The following PTPRD variants were observed in gnomAD, a reference collection of about 807,000 sequenced individuals.
PTPRD encodes the protein receptor-type tyrosine-protein phosphatase delta.
Under a neutral mutation model 214.5 loss-of-function variants are expected in PTPRD, and 34 were observed. The ratio of observed to expected loss-of-function variants is 0.16; its 90% CI spans 0.12 to 0.21. The LOEUF is 0.21. PTPRD is among the 10% of genes least tolerant of loss of function. The pLI is 1.00. For missense variants in PTPRD, 2,545 were observed against 2,398.7 expected, an observed-to-expected ratio of 1.06 and a Z score of -1.27; for synonymous variants, 1,128 against 845.7, an observed-to-expected ratio of 1.33 and a Z score of -5.79.
At chr9:8,440,120 T>C (rs2095498565) in intron 34 of PTPRD, among the ~76,000 whole-genome samples, 1 of 151,706 alleles carries the variant, frequency 6.6e-6, no homozygotes, top group Non-Finnish European at 1.5e-5. Flanking sequence ...CATTTAGAAA[T>C]CATATCAGGA....
chr9:9,904,359 T>C (rs1462564922), intron 5 of PTPRD, among the ~76,000 whole-genome samples: 1 of 152,054 alleles, frequency 6.6e-6, no homozygotes, highest in Non-Finnish European at 1.5e-5. Context: ...AAAAAAACGC[T>C]TGTGATTAGA....
intron 6 of PTPRD, among the ~76,000 whole-genome samples, chr9:9,758,184 C>CTTTTTT (rs34736489): frequency 6.9e-6 from 1 of 144,134 alleles, no homozygotes. Flanking sequence ...CCTTAGCAGA[C>CTTTTTT]TTTTTTTTTT....
intron 9 of PTPRD, among the ~76,000 whole-genome samples, chr9:9,244,101 G>A (rs370688608): frequency 1.3e-5 from 2 of 152,194 alleles, no homozygotes; most frequent in South Asian, 2.1e-4. Context: ...ACCTCTCCAA[G>A]GAGAACTACA....
Position 9,426,269 on chromosome 9 carries a change from C to A in PTPRD, c.-236-28787G>T, listed in dbSNP as rs540429948. 1.5e-3 allele frequency among the ~76,000 whole-genome samples: 234 copies of A among 152,328 alleles called. 1 individual carries two copies. Among genetic ancestry groups the A allele is most frequent in the African/African-American group, 5.1e-3 (210 of 41,574 alleles). On this transcript the variant is annotated intron_variant, in intron 8 of 45. Transcript: ENST00000381196. ...CACACCAGGAGATTATATTCTGCACCTGGCTCAGAGGGTCCCACGCCCATG... is the reference window on the plus strand; with the variant it reads ...CACACCAGGAGATTATATTCTGCACATGGCTCAGAGGGTCCCACGCCCATG...
chr9:10,344,708 G>A (rs1300887343), intron 2 of PTPRD, among the ~76,000 whole-genome samples: 1 of 151,980 alleles, frequency 6.6e-6, no homozygotes, highest in Admixed American at 6.6e-5. Context: ...TTATTTCATT[G>A]AGCAGTGGTT....
chr9:9,420,249 C>A (rs1325653058), intron 8 of PTPRD, among the ~76,000 whole-genome samples: 3 of 151,758 alleles, frequency 2.0e-5, no homozygotes, highest in African/African-American at 7.2e-5. Context: ...TGTAGTGGAT[C>A]TGAAGTGTAA....
intron 7 of PTPRD, among the ~76,000 whole-genome samples, chr9:9,678,985 G>C (rs2096998972): frequency 6.6e-6 from 1 of 151,590 alleles, no homozygotes; most frequent in Non-Finnish European, 1.5e-5. Context: ...AATGAATTTT[G>C]GTACATCAGA....
intron 10 of PTPRD, chr9:9,090,767 C>T (rs1448221688): frequency 1.6e-6 from 1 of 639,450 alleles, no homozygotes; most frequent in Non-Finnish European, 2.8e-6. Context: ...TTTCAAGTTG[C>T]ATCCTCTTTA....
chr9:10,184,239 A>T (rs1004240821), intron 3 of PTPRD, among the ~76,000 whole-genome samples: 1 of 152,102 alleles, frequency 6.6e-6, no homozygotes, highest in Non-Finnish European at 1.5e-5. Flanking sequence ...AGCCTGGCCA[A>T]CATGGCGAAA....
intron 9 of PTPRD, among the ~76,000 whole-genome samples, chr9:9,376,872 CTT>C (rs1211708098): frequency 1.3e-5 from 2 of 151,988 alleles, no homozygotes; most frequent in African/African-American, 2.4e-5. Flanking sequence ...TATTCAGTAA[CTT>C]TCTCAGTAAT....
At chr9:9,014,954 G>A (rs987059011) in intron 11 of PTPRD, among the ~76,000 whole-genome samples, 1 of 152,068 alleles carries the variant, frequency 6.6e-6, no homozygotes, top group South Asian at 2.1e-4. Flanking sequence ...TTATAAGTGT[G>A]TGTGTAGGTA....
At chr9:9,775,976 A>AAAAAAAAAAC in intron 5 of PTPRD, among the ~76,000 whole-genome samples, 1 of 151,210 alleles carries the variant, frequency 6.6e-6, no homozygotes, top group Non-Finnish European at 1.5e-5. Context: ...AAAAAAAAAA[A>AAAAAAAAAAC]AAAGCAAATC....
At position 8,663,383 on chromosome 9, in the gene PTPRD, A is replaced by C. The variant is rs182187146; in HGVS notation, c.65-26539T>G. Among the ~76,000 whole-genome samples the C allele has an allele frequency of 2.7e-3, 404 of 152,024 alleles. 2 individuals are homozygous for C. Among genetic ancestry groups the C allele is most frequent in the African/African-American group, 9.5e-3 (394 of 41,460 alleles). On this transcript the variant is annotated intron_variant, in intron 12 of 45. Coordinates refer to ENST00000381196, the MANE Select transcript of PTPRD (RefSeq NM_002839.4). ...TTTTGGTTAACTTTTTATTTACCAA[A>C]CTAAAAAAAAAAATATCACTGTCAC...
intron 14 of PTPRD, among the ~76,000 whole-genome samples, chr9:8,580,710 T>A (rs74681130): frequency 2.0e-5 from 3 of 152,184 alleles, no homozygotes; most frequent in Admixed American, 1.3e-4. Context: ...GGACCATTTG[T>A]AAGTACAACA....
chr9:9,484,965 G>T (rs982225240), intron 8 of PTPRD, among the ~76,000 whole-genome samples: 3 of 152,048 alleles, frequency 2.0e-5, no homozygotes, highest in Admixed American at 1.3e-4. Flanking sequence ...TGGGTTTCTG[G>T]GATTTAAATA....
At chr9:9,149,451 G>C (rs2099874251) in intron 10 of PTPRD, among the ~76,000 whole-genome samples, 1 of 152,132 alleles carries the variant, frequency 6.6e-6, no homozygotes, top group African/African-American at 2.4e-5. Flanking sequence ...TTATTCACTA[G>C]ACTTGCCTTC....
intron 5 of PTPRD, among the ~76,000 whole-genome samples, chr9:9,883,425 G>T (rs76998637): frequency 0.015 from 2,294 of 152,172 alleles, 28 homozygotes; most frequent in Non-Finnish European, 0.024. Flanking sequence ...AGAGAATAAG[G>T]TGTGAAGAGG....
chr9:10,270,814 C>T (rs568200715), intron 3 of PTPRD, among the ~76,000 whole-genome samples: 1 of 152,074 alleles, frequency 6.6e-6, no homozygotes, highest in African/African-American at 2.4e-5. Flanking sequence ...TTTTTCCTAA[C>T]ATTATGTAAA....
chr9:8,730,586 C>T (rs1487310785), intron 12 of PTPRD, among the ~76,000 whole-genome samples: 1 of 152,220 alleles, frequency 6.6e-6, no homozygotes, highest in East Asian at 1.9e-4. Flanking sequence ...AAGATGCTAA[C>T]AGTAGGTTCT....
Sources: gnomAD v4.1 joint callset for allele counts (sites outside exome capture counted in the v4.1 genomes callset) on GRCh38, gnomAD v4.1.1 for gene constraint, MANE v1.5 for transcripts, NCBI Gene and HGNC (gene_info 2026-07-23, HGNC 2026-07-21) for gene names.